POTEF: variants seen among roughly 807,000 people sequenced by gnomAD.
POTEF encodes ANKRD26-like family C member 1B.
A neutral mutation model predicts 83.2 loss-of-function variants in POTEF; 20 were observed. The ratio of observed to expected loss-of-function variants is 0.24; its 90% CI spans 0.17 to 0.35. The LOEUF (loss-of-function observed/expected upper bound fraction) is 0.35. Among genes scored for constraint, POTEF ranks in the 10% least tolerant of loss-of-function variants. The pLI is 1.00. For synonymous variants in POTEF, 196 were observed against 446.4 expected, an observed-to-expected ratio of 0.44 and a Z score of 7.07; for missense variants, 550 against 1,203.2, an observed-to-expected ratio of 0.46 and a Z score of 8.03.
intron 3 of POTEF, among the ~76,000 whole-genome samples, chr2:130,116,981 T>C (rs1443436524): frequency 1.1e-4 from 15 of 141,854 alleles, no homozygotes; most frequent in Admixed American, 4.3e-4. Context: ...AGAATATGCC[T>C]GCCACATAAT....
chr2:130,103,332 C>A (rs1334070220), intron 8 of POTEF, among the ~76,000 whole-genome samples: 3 of 150,580 alleles, frequency 2.0e-5, no homozygotes, highest in Admixed American at 6.6e-5. Context: ...ATCTTTTGAC[C>A]TTGTGATCTG....
intron 15 of POTEF, among the ~76,000 whole-genome samples, chr2:130,079,598 T>C (rs373823481): frequency 2.6e-5 from 2 of 78,408 alleles, no homozygotes; most frequent in Non-Finnish European, 5.1e-5. Flanking sequence ...GACACCCGCA[T>C]ACATATGTTT....
At chr2:130,104,259 T>C (rs1002057895) in intron 8 of POTEF, among the ~76,000 whole-genome samples, 3 of 143,632 alleles carry the variant, frequency 2.1e-5, no homozygotes, top group African/African-American at 8.2e-5. Flanking sequence ...ATAGTGCCTA[T>C]GAATTTAACT....
chr2:130,103,438 C>T (rs1183049862), intron 8 of POTEF, among the ~76,000 whole-genome samples: 3 of 148,880 alleles, frequency 2.0e-5, no homozygotes, highest in African/African-American at 7.6e-5. Context: ...AGAACGTCTT[C>T]CTTGATTCTG....
At chr2:130,093,064 A>T (rs1684168937) in intron 12 of POTEF, among the ~76,000 whole-genome samples, 1 of 144,432 alleles carries the variant, frequency 6.9e-6, no homozygotes, top group Admixed American at 6.9e-5. Context: ...AGCATTAGAT[A>T]CTCATAGGAG....
intron 5 of POTEF, among the ~76,000 whole-genome samples, chr2:130,113,233 A>AC (rs1684757753): frequency 1.6e-5 from 2 of 123,156 alleles, no homozygotes; most frequent in African/African-American, 6.3e-5. Context: ...AAAAAAAAAA[A>AC]AAAAAACTGA....
chr2:130,115,227 G>C lies in POTEF; in HGVS notation c.623C>G (p.Thr208Arg), dbSNP rs1374352781. 3 of 1,612,486 alleles carry C rather than the reference G, an allele frequency of 1.9e-6. No individual in the cohort carries two copies. The highest frequency in any genetic ancestry group is 2.5e-6 in the Non-Finnish European group (3 of 1,179,912). Reference sequence around the variant, plus strand: ...GCTACTGCATACCTTTATCAGAGCTGTCCTCTTTTTGTTGTCAAGGACATT... The same window carrying C: ...GCTACTGCATACCTTTATCAGAGCTCTCCTCTTTTTGTTGTCAAGGACATT... ...QLNVLDNKKR[T>R]ALIKAVQCQE... Residue 208 changes from threonine (T) to arginine (R), a missense_variant, in exon 4 of 17, where the codon ACA (threonine) becomes AGA (arginine). Thr to Arg is a moderately conservative substitution (Grantham distance 71). Coordinates refer to ENST00000409914, the MANE Select transcript of POTEF (RefSeq NM_001099771.2).
chr2:130,104,100 A>T (rs1268262878), intron 8 of POTEF, among the ~76,000 whole-genome samples: 1 of 149,892 alleles, frequency 6.7e-6, no homozygotes, highest in East Asian at 1.9e-4. Flanking sequence ...ACAAGGTGAC[A>T]GATAGCTCAT....
intron 2 of POTEF, among the ~76,000 whole-genome samples, chr2:130,123,660 T>C (rs1376865771): frequency 4.0e-5 from 6 of 151,822 alleles, no homozygotes; most frequent in African/African-American, 1.2e-4. Flanking sequence ...ATATCTATTA[T>C]CTAACATTTA....
At chr2:130,127,324 CAAAAAAAAAAAAA>C (rs57173649) in intron 2 of POTEF, among the ~76,000 whole-genome samples, 5 of 12,448 alleles carry the variant, frequency 4.0e-4, no homozygotes, top group South Asian at 0.011. Flanking sequence ...GACTCTGTCT[CAAAAAAAAAAAAA>C]AAAAAAAAAA....
intron 3 of POTEF, among the ~76,000 whole-genome samples, chr2:130,119,114 T>G (rs1684926408): frequency 1.3e-5 from 2 of 151,872 alleles, no homozygotes; most frequent in Non-Finnish European, 2.9e-5. Context: ...GCTAAAACTT[T>G]GCTATTTTTA....
chr2:130,120,356 T>C lies in POTEF; in HGVS notation c.160A>G (p.Met54Val), dbSNP rs768021073. The C allele has an allele frequency of 2.8e-5, 44 of 1,597,656 alleles. No homozygotes were observed. The highest frequency in any genetic ancestry group is 3.0e-5 in the Non-Finnish European group (35 of 1,170,584). The change falls in exon 3 of 17, where the codon ATG (methionine) becomes GTG (valine). Residue 54 changes from methionine (M) to valine (V), a missense_variant. Transcript: ENST00000409914. ...GTSGDHDDSA[M>V]KTLRSKMGKW... ...CCCATCTTGCTCCTGAGTGTCTTCA[T>C]AGCAGAGTCGTCGTGGTCTCCAGAA... is the stretch of plus-strand genomic sequence containing the variant.
chr2:130,120,324 C>T lies in POTEF; in HGVS notation c.192G>A (p.Trp64Ter). The change falls in exon 3 of 17, where the codon TGG becomes TGA. Residue 64 changes from tryptophan to a stop codon, truncating the protein, a stop_gained. Transcript: ENST00000409914. LOFTEE classifies it high-confidence loss of function. ...TGCAGCAGGGGAAGCAGTGGCGGCACCACTTGCCCATCTTGCTCCTGAGTG... is the reference window on the plus strand; with the variant it reads ...TGCAGCAGGGGAAGCAGTGGCGGCATCACTTGCCCATCTTGCTCCTGAGTG... ...MKTLRSKMGK[W>*]CRHCFPCCRG... The T allele has an allele frequency of 6.2e-7, 1 of 1,607,946 alleles. No individual in the cohort carries two copies. The highest frequency in any genetic ancestry group is 8.5e-7 in the Non-Finnish European group (1 of 1,179,348).
intron 2 of POTEF, among the ~76,000 whole-genome samples, chr2:130,121,994 T>A (rs1025043852): frequency 6.6e-5 from 10 of 151,824 alleles, no homozygotes; most frequent in African/African-American, 2.2e-4. Flanking sequence ...CCCTAGGCAA[T>A]CATCCATCTA....
chr2:130,110,478 G>A (rs1215113118), intron 7 of POTEF, 65 bp downstream of exon 7: 4 of 1,146,540 alleles, frequency 3.5e-6, no homozygotes, highest in East Asian at 2.5e-5. Context: ...TATGTGAGAT[G>A]CAACTGTTAT....
Position 130,075,470 on chromosome 2 carries a change from G to A in POTEF, c.2002C>T (p.Gln668Ter), listed in dbSNP as rs751793985. Residue 668 changes from glutamine to a stop codon, truncating the protein, a stop_gained, in exon 17 of 17, where the codon CAG becomes TAG. Coordinates refer to ENST00000409914, the MANE Select transcript of POTEF (RefSeq NM_001099771.2). LOFTEE classifies it high-confidence loss of function. Reference sequence around the variant, plus strand: ...TATTTCTTTTCTCTTAGCTGGCTCTGATGTTTCATTGTGTCTAGCTCCAGT... The same window carrying A: ...TATTTCTTTTCTCTTAGCTGGCTCTAATGTTTCATTGTGTCTAGCTCCAGT... ...LRLELDTMKH[Q>*]SQLREKKYLE... 1.2e-5 allele frequency: 20 copies of A among 1,611,302 alleles called. No homozygotes were observed. Among genetic ancestry groups the A allele is most frequent in the African/African-American group, 9.4e-5 (7 of 74,686 alleles).
chr2:130,118,273 T>C (rs1359631090), intron 3 of POTEF, among the ~76,000 whole-genome samples: 1 of 151,922 alleles, frequency 6.6e-6, no homozygotes, highest in Admixed American at 6.6e-5. Context: ...TAGAAAACAG[T>C]ATTTCATTCC....
intron 2 of POTEF, among the ~76,000 whole-genome samples, chr2:130,122,393 G>A (rs1158442102): frequency 6.8e-6 from 1 of 146,022 alleles, no homozygotes; most frequent in Non-Finnish European, 1.5e-5. Context: ...CATGTGGCTT[G>A]CCAATTATAC....
chr2:130,110,272 G>C (rs1281331737), intron 7 of POTEF, among the ~76,000 whole-genome samples: 1 of 150,336 alleles, frequency 6.7e-6, no homozygotes, highest in Non-Finnish European at 1.5e-5. Context: ...TCCCTGCATA[G>C]GTGTTACACT....
Sources: gnomAD v4.1 joint callset for allele counts (sites outside exome capture counted in the v4.1 genomes callset) on GRCh38, gnomAD v4.1.1 for gene constraint, MANE v1.5 for transcripts, NCBI Gene and HGNC (gene_info 2026-07-23, HGNC 2026-07-21) for gene names.